Variants in TMEM132D observed in about 807,000 individuals in gnomAD.
TMEM132D encodes transmembrane protein 132D.
In TMEM132D, 21 loss-of-function variants were observed where a neutral mutation model predicts 62.3. That is an observed-to-expected ratio of 0.34 (90% CI 0.24 to 0.49). The LOEUF is 0.49. TMEM132D is among the 20% of genes least tolerant of loss of function. The probability of loss-of-function intolerance (pLI) is 0.99; values close to 1 mark genes in which losing one functional copy is unlikely to be tolerated. For synonymous variants in TMEM132D, 621 were observed against 575.6 expected, an observed-to-expected ratio of 1.08 and a Z score of -1.13; for missense variants, 1,346 against 1,402.8, an observed-to-expected ratio of 0.96 and a Z score of 0.65.
intron 1 of TMEM132D, among the ~76,000 whole-genome samples, chr12:129,799,985 T>C (rs1237955599): frequency 1.3e-5 from 2 of 152,160 alleles, no homozygotes; most frequent in African/African-American, 2.4e-5. Context: ...TCACAGGACA[T>C]GCTGCCTCAG....
chr12:129,075,760 A>C (rs1038383381), intron 8 of TMEM132D, among the ~76,000 whole-genome samples: 1 of 152,268 alleles, frequency 6.6e-6, no homozygotes, highest in Non-Finnish European at 1.5e-5. Context: ...AAGACCAAAA[A>C]GCAGCCAGAG....
intron 2 of TMEM132D, among the ~76,000 whole-genome samples, chr12:129,637,061 CCAGT>C: frequency 6.6e-6 from 1 of 152,278 alleles, no homozygotes; most frequent in Middle Eastern, 3.4e-3. Context: ...TGCTAAATTT[CCAGT>C]CAAAGATGAC....
intron 2 of TMEM132D, among the ~76,000 whole-genome samples, chr12:129,573,773 C>CTGCATG (rs1877583814): frequency 8.7e-5 from 13 of 149,848 alleles, no homozygotes; most frequent in African/African-American, 3.0e-4. Flanking sequence ...GGAAAGATAA[C>CTGCATG]AGTGTCTTCC....
intron 2 of TMEM132D, among the ~76,000 whole-genome samples, chr12:129,653,977 T>G (rs1291272706): frequency 6.6e-6 from 1 of 152,204 alleles, no homozygotes; most frequent in Non-Finnish European, 1.5e-5. Context: ...GGCTCTTAGT[T>G]GTGACTGCTT....
chr12:129,791,148 G>A (rs1871391512), intron 1 of TMEM132D, among the ~76,000 whole-genome samples: 1 of 152,268 alleles, frequency 6.6e-6, no homozygotes, highest in East Asian at 1.9e-4. Context: ...GCCCAGCAAG[G>A]CACAATCAAA....
chr12:129,493,716 T>C (rs1245706550), intron 3 of TMEM132D, among the ~76,000 whole-genome samples: 1 of 152,186 alleles, frequency 6.6e-6, no homozygotes, highest in Non-Finnish European at 1.5e-5. Flanking sequence ...CCTCACCACA[T>C]GCAGGAGGAA....
chr12:129,496,378 CA>C (rs1272080604), intron 3 of TMEM132D, among the ~76,000 whole-genome samples: 1 of 152,114 alleles, frequency 6.6e-6, no homozygotes, highest in Non-Finnish European at 1.5e-5. Flanking sequence ...GGATATCTAT[CA>C]CCGGCTGTGA....
At chr12:129,428,458 T>C (rs1872559649) in intron 3 of TMEM132D, among the ~76,000 whole-genome samples, 1 of 152,242 alleles carries the variant, frequency 6.6e-6, no homozygotes, top group South Asian at 2.1e-4. Flanking sequence ...ACTTTGTGTC[T>C]AATGTGACAC....
At chr12:129,898,931 C>G (rs1470654684) in intron 1 of TMEM132D, among the ~76,000 whole-genome samples, 1 of 152,198 alleles carries the variant, frequency 6.6e-6, no homozygotes, top group African/African-American at 2.4e-5. Flanking sequence ...GAGCTTACAA[C>G]TTAAAGCAAC....
intron 3 of TMEM132D, among the ~76,000 whole-genome samples, chr12:129,471,645 C>A (rs1874096181): frequency 6.6e-6 from 1 of 152,184 alleles, no homozygotes; most frequent in Admixed American, 6.5e-5. Context: ...AAATGATTAA[C>A]CTTCATGAGG....
At chr12:129,158,770 T>G (rs528342130) in intron 5 of TMEM132D, among the ~76,000 whole-genome samples, 1 of 152,344 alleles carries the variant, frequency 6.6e-6, no homozygotes, top group East Asian at 1.9e-4. Context: ...ATTTTCACAA[T>G]GCTATAAATA....
At chr12:129,764,039 C>T (rs1281652037) in intron 1 of TMEM132D, among the ~76,000 whole-genome samples, 1 of 152,174 alleles carries the variant, frequency 6.6e-6, no homozygotes, top group African/African-American at 2.4e-5. Context: ...TGCCCCCATG[C>T]CCCAGCTTTG....
chr12:129,714,527 C>T (rs554870417), intron 1 of TMEM132D, among the ~76,000 whole-genome samples: 4 of 152,218 alleles, frequency 2.6e-5, no homozygotes, highest in African/African-American at 4.8e-5. Flanking sequence ...CAGGAGGAAA[C>T]AGTCCTGGAC....
chr12:129,513,675 C>T (rs1456786033), intron 3 of TMEM132D, among the ~76,000 whole-genome samples: 2 of 150,708 alleles, frequency 1.3e-5, no homozygotes, highest in Non-Finnish European at 3.0e-5. Context: ...TTAGTAGAGA[C>T]GGGGTTTCAC....
At chr12:129,866,095 G>A (rs561806669) in intron 1 of TMEM132D, among the ~76,000 whole-genome samples, 125 of 152,184 alleles carry the variant, frequency 8.2e-4, no homozygotes, top group African/African-American at 2.9e-3. Flanking sequence ...TCAAAAGATG[G>A]CACACAAATG....
chr12:129,458,073 C>A (rs1322390886), intron 3 of TMEM132D, among the ~76,000 whole-genome samples: 1 of 152,202 alleles, frequency 6.6e-6, no homozygotes, highest in Non-Finnish European at 1.5e-5. Context: ...ATATCGTACT[C>A]TCCCCTGTCC....
intron 1 of TMEM132D, among the ~76,000 whole-genome samples, chr12:129,792,921 TA>T (rs1871443300): frequency 6.6e-6 from 1 of 152,134 alleles, no homozygotes; most frequent in Non-Finnish European, 1.5e-5. Context: ...ATAATCCTAC[TA>T]CCAGGAGGGA....
chr12:129,118,331 C>T (rs960195645), intron 5 of TMEM132D, among the ~76,000 whole-genome samples: 2 of 152,230 alleles, frequency 1.3e-5, no homozygotes, highest in African/African-American at 2.4e-5. Context: ...ACATCCCTCA[C>T]AGCTGGGGTA....
intron 5 of TMEM132D, among the ~76,000 whole-genome samples, chr12:129,129,133 C>T (rs1393685864): frequency 6.6e-6 from 1 of 152,000 alleles, no homozygotes; most frequent in Non-Finnish European, 1.5e-5. Flanking sequence ...CAACCTTTGC[C>T]TCCCTTCCTC....
Sources: gnomAD v4.1 joint callset for allele counts (sites outside exome capture counted in the v4.1 genomes callset) on GRCh38, gnomAD v4.1.1 for gene constraint, MANE v1.5 for transcripts, NCBI Gene and HGNC (gene_info 2026-07-23, HGNC 2026-07-21) for gene names.